The following CEP128 variants were observed in gnomAD, a reference collection of about 807,000 sequenced individuals.
The protein encoded by CEP128 is centrosomal protein 128kDa.
In CEP128, 132 loss-of-function variants were observed where a neutral mutation model predicts 156.7. The ratio of observed to expected loss-of-function variants is 0.84; its 90% CI spans 0.73 to 0.97. The LOEUF is 0.97. CEP128 is among the 50% of genes least tolerant of loss of function. CEP128 has a pLI of 0.00. For missense variants in CEP128, 1,252 were observed against 1,281.9 expected, an observed-to-expected ratio of 0.98 and a Z score of 0.36; for synonymous variants, 469 against 448.9, an observed-to-expected ratio of 1.04 and a Z score of -0.57.
Position 80,916,446 on chromosome 14 carries a change from T to C in CEP128, c.102A>G (p.Thr34=), listed in dbSNP as rs762412926. 4.3e-6 allele frequency: 7 copies of C among 1,614,132 alleles called. No individual in the cohort carries two copies. In the South Asian group the frequency reaches 5.5e-5, roughly 13 times the overall value. Residue 34 remains threonine, a synonymous_variant, in exon 3 of 25, where the codon ACA becomes ACG. Transcript: ENST00000555265. ...TGTTGACCTTCTCGGTAACTTCTAC[T>C]GTAGGAAGACTTCGAGTTCCCCTGT... ...STHRGTRSLP[T]VEVTEKVNTI...
At chr14:80,575,948 C>A (rs1006517040) in intron 20 of CEP128, among the ~76,000 whole-genome samples, 1 of 151,912 alleles carries the variant, frequency 6.6e-6, no homozygotes, top group Non-Finnish European at 1.5e-5. Context: ...AGAGAGATGA[C>A]CAGTAAGTTA....
At chr14:80,590,734 A>C (rs936327853) in intron 19 of CEP128, among the ~76,000 whole-genome samples, 12 of 152,330 alleles carry the variant, frequency 7.9e-5, no homozygotes, top group South Asian at 2.1e-4. Context: ...TGATGGTTGA[A>C]GCAAAAATTG....
At position 80,497,336 on chromosome 14, in the gene CEP128, G is replaced by T. The variant is rs547494369; in HGVS notation, c.*143C>A. 3 of 603,084 alleles carry T rather than the reference G, an allele frequency of 5.0e-6. No individual in the cohort carries two copies. The South Asian group carries it at 6.3e-5, about 13-fold the overall frequency. The allele number at this position is 603,084 out of a possible 1,614,324, so 37.4% of individuals were successfully genotyped here. A position where few individuals can be genotyped will look rare whatever the true frequency, so the allele number is the denominator to read the frequency against. ...ACCATTCACAAGGACCAACAGTATT[G>T]TCACTTTTGTCAATGTTTGGCAATA... On this transcript the variant is annotated 3_prime_UTR_variant, in exon 25 of 25. Transcript: ENST00000555265.
chr14:80,670,994 A>G (rs1895817604), intron 19 of CEP128, among the ~76,000 whole-genome samples: 4 of 151,610 alleles, frequency 2.6e-5, no homozygotes. Flanking sequence ...TATCACATTC[A>G]CTTGTTTTTC....
chr14:80,712,535 T>C (rs1024757027), intron 19 of CEP128, among the ~76,000 whole-genome samples: 1 of 152,170 alleles, frequency 6.6e-6, no homozygotes, highest in African/African-American at 2.4e-5. Flanking sequence ...TTCCTGCACA[T>C]GGGCTCTGGC....
intron 19 of CEP128, among the ~76,000 whole-genome samples, chr14:80,630,091 C>T (rs1190679968): frequency 6.6e-6 from 1 of 151,852 alleles, no homozygotes; most frequent in Non-Finnish European, 1.5e-5. Context: ...GTTATTTACC[C>T]TTCTGCTTTG....
chr14:80,612,044 C>T lies in CEP128; in HGVS notation c.2807-31621G>A, dbSNP rs184438868. Among the ~76,000 whole-genome samples the T allele has an allele frequency of 3.8e-3, 573 of 151,908 alleles. 1 individual carries two copies. The highest frequency in any genetic ancestry group is 5.6e-3 in the South Asian group (27 of 4,804). ...CTGCACTCCAGCCTGAGTGGCAGAGCGAGACTCTGTCTCAAAAAAATAAAA... is the reference window on the plus strand; with the variant it reads ...CTGCACTCCAGCCTGAGTGGCAGAGTGAGACTCTGTCTCAAAAAAATAAAA... On this transcript the variant is annotated intron_variant, in intron 19 of 24. Coordinates refer to ENST00000555265, the MANE Select transcript of CEP128 (RefSeq NM_152446.5).
chr14:80,782,779 C>G (rs998389980), intron 15 of CEP128, among the ~76,000 whole-genome samples: 1 of 152,136 alleles, frequency 6.6e-6, no homozygotes, highest in African/African-American at 2.4e-5. Flanking sequence ...GCTTTTTATA[C>G]TTCTTCTTTC....
intron 21 of CEP128, among the ~76,000 whole-genome samples, chr14:80,540,354 C>T (rs557495529): frequency 7.9e-5 from 12 of 152,230 alleles, no homozygotes; most frequent in Admixed American, 5.2e-4. Context: ...CTGACACTTA[C>T]GGAAAATAGA....
At chr14:80,722,410 A>G (rs576945310) in intron 19 of CEP128, among the ~76,000 whole-genome samples, 11 of 152,304 alleles carry the variant, frequency 7.2e-5, no homozygotes, top group African/African-American at 2.6e-4. Flanking sequence ...AATCAACATA[A>G]GATTACACAA....
chr14:80,702,424 C>A (rs977218098), intron 19 of CEP128, among the ~76,000 whole-genome samples: 3 of 152,106 alleles, frequency 2.0e-5, no homozygotes, highest in African/African-American at 7.2e-5. Flanking sequence ...CATTCCTCAC[C>A]ATATTCTTAT....
chr14:80,624,231 C>A (rs1410299195), intron 19 of CEP128, among the ~76,000 whole-genome samples: 2 of 152,128 alleles, frequency 1.3e-5, no homozygotes, highest in Non-Finnish European at 2.9e-5. Context: ...TAGGCTCATC[C>A]ATGTTGCCAG....
rs140537663 is a variant in CEP128, at chr14:80,538,149, AT to A, written c.2881-7264del. On this transcript the variant is annotated intron_variant, in intron 21 of 24. Coordinates refer to ENST00000555265, the MANE Select transcript of CEP128 (RefSeq NM_152446.5). ...GTGTCAAGTACTTTTCAAACAGCAG[AT>A]TTTTTTTTTTAAAGCTGAATCTCTG... Among the ~76,000 whole-genome samples, 702 of 149,352 alleles carry A rather than the reference AT, an allele frequency of 4.7e-3. 4 individuals are homozygous for A. Among genetic ancestry groups the A allele is most frequent in the African/African-American group, 0.016 (640 of 40,850 alleles).
At position 80,956,783 on chromosome 14, in the gene CEP128, TTAACAGTAGATGAA is replaced by T. The variant is rs1886718099; in HGVS notation, c.-172+1381_-172+1394del. 2.0e-5 allele frequency among the ~76,000 whole-genome samples: 3 copies of T among 152,312 alleles called. No individual in the cohort carries two copies. In the East Asian group the frequency reaches 5.8e-4, roughly 29 times the overall value. On this transcript the variant is annotated intron_variant, in intron 2 of 7. Coordinates refer to the CEP128 transcript ENST00000555529. ...CAAGAATTTAGCTCATGAAGACTAT[TTAACAGTAGATGAA>T]TATTTGAGCACAGAGATATATTTCT...
At chr14:80,889,863 T>C (rs1889003172) in intron 8 of CEP128, among the ~76,000 whole-genome samples, 1 of 152,180 alleles carries the variant, frequency 6.6e-6, no homozygotes, top group Non-Finnish European at 1.5e-5. Flanking sequence ...GAGAAAATTT[T>C]TGCAATCTAT....
intron 19 of CEP128, among the ~76,000 whole-genome samples, chr14:80,580,691 C>G (rs1029371864): frequency 6.6e-6 from 1 of 152,114 alleles, no homozygotes; most frequent in Non-Finnish European, 1.5e-5. Context: ...GACATCAAAT[C>G]AATTAAAAAT....
intron 18 of CEP128, among the ~76,000 whole-genome samples, chr14:80,754,809 G>A (rs140579616): frequency 1.3e-5 from 2 of 152,230 alleles, no homozygotes; most frequent in African/African-American, 4.8e-5. Context: ...CATCTGAGAC[G>A]TAGTAGTTTC....
chr14:80,564,650 A>G (rs1890835200), intron 20 of CEP128, among the ~76,000 whole-genome samples: 1 of 152,208 alleles, frequency 6.6e-6, no homozygotes, highest in Non-Finnish European at 1.5e-5. Context: ...TTTGGGAAGG[A>G]ATTCAGTTCA....
intron 19 of CEP128, among the ~76,000 whole-genome samples, chr14:80,686,963 G>A (rs531568351): frequency 1.3e-5 from 2 of 152,176 alleles, no homozygotes; most frequent in East Asian, 1.9e-4. Flanking sequence ...GACCTCCAAC[G>A]AAACTTAGAC....
Sources: gnomAD v4.1 joint callset for allele counts (sites outside exome capture counted in the v4.1 genomes callset) on GRCh38, gnomAD v4.1.1 for gene constraint, MANE v1.5 for transcripts, NCBI Gene and HGNC (gene_info 2026-07-23, HGNC 2026-07-21) for gene names.